Variants in CEP44 observed in about 807,000 individuals in gnomAD.
CEP44 encodes centrosomal protein 44.
In CEP44, 45 loss-of-function variants were observed where a neutral mutation model predicts 46.7. The ratio of observed to expected loss-of-function variants is 0.96; its 90% CI spans 0.76 to 1.24. The LOEUF (loss-of-function observed/expected upper bound fraction) is 1.24. Among genes scored for constraint, CEP44 ranks in the 50% most tolerant of loss-of-function variants. The pLI is 0.00. For missense variants in CEP44, 475 were observed against 459.7 expected (o/e 1.03, Z -0.30); for synonymous variants, 142 against 146.0 (o/e 0.97, Z 0.20).
intron 1 of CEP44, among the ~76,000 whole-genome samples, chr4:174,296,066 TTAGTATAGAATTCAAGATTA>T (rs1312913280): frequency 5.9e-5 from 9 of 152,238 alleles, no homozygotes; most frequent in African/African-American, 1.9e-4. Flanking sequence ...ATACCTTGCT[TTAGTATAGAATTCAAGATTA>T]TAAGTAATTC....
At chr4:174,315,840 C>CAAAAA (rs58586936) in intron 9 of CEP44, among the ~76,000 whole-genome samples, 27 of 95,638 alleles carry the variant, frequency 2.8e-4, no homozygotes, top group Non-Finnish European at 4.6e-4. Flanking sequence ...GACTCCGTCT[C>CAAAAA]AAAAAAAAAA....
chr4:174,304,333 C>T lies in CEP44; in HGVS notation c.471C>T (p.Gly157=). The change falls in exon 6 of 12, where the codon GGC becomes GGT. Residue 157 remains glycine, a synonymous_variant. Transcript: ENST00000503780. ...AGAAAATATCTGCAGAGGCTGTTGG[C>T]GTTGATATCAGTGGCAGGTTTATGA... ...GNEKISAEAV[G]VDISGRFMTS... 6.2e-6 allele frequency: 10 copies of T among 1,611,342 alleles called. No homozygotes were observed. The highest frequency in any genetic ancestry group is 2.2e-5 in the East Asian group (1 of 44,684).
In CEP44 at chr4:174,310,803, T is replaced by G. The variant is rs936473592; in HGVS notation, c.906T>G (p.Phe302Leu). Residue 302 changes from phenylalanine to leucine, a missense_variant, in exon 9 of 12, where the codon TTT (phenylalanine) becomes TTG (leucine). Transcript: ENST00000503780. The surrounding 1 kb of genome is among the most constrained non-coding windows in gnomAD (Gnocchi z 4.2). ...LSKKNDEFIE[F>L]NEVSEDYASC... ...TCCAGAATGATGAATTTATAGAGTT[T>G]AATGAAGTTAGTGAAGACTACGCTT... 2.0e-6 allele frequency: 3 copies of G among 1,496,598 alleles called. No individual in the cohort carries two copies. The highest frequency in any genetic ancestry group is 3.7e-5 in the Admixed American group (2 of 53,528). The allele number at this position is 1,496,598 out of a possible 1,614,324, so 92.7% of individuals were successfully genotyped here.
Position 174,310,129 on chromosome 4 carries a change from T to A in CEP44, c.885+73T>A. The A allele has an allele frequency of 1.5e-6, 2 of 1,361,320 alleles. No individual in the cohort carries two copies. Among genetic ancestry groups the A allele is most frequent in the South Asian group, 2.8e-5 (2 of 70,778 alleles). 84.3% of individuals were successfully genotyped at this position (1,361,320 alleles called of 1,614,324 possible). On this transcript the variant is annotated intron_variant, in intron 8 of 11. Coordinates refer to ENST00000503780, the MANE Select transcript of CEP44 (RefSeq NM_001040157.3). This position sits in a 1 kb window ranked among gnomAD's most constrained non-coding sequence, Gnocchi z 4.2. ...TTTTTTTTTGATTGTTATATGTGTA[T>A]TTTTTTGGAAATGCTAAATATGAGA...
At position 174,312,316 on chromosome 4, in the gene CEP44, C is replaced by G. The variant is rs542544879; in HGVS notation, c.961+1458C>G. On this transcript the variant is annotated intron_variant, in intron 9 of 11. Coordinates refer to ENST00000503780, the MANE Select transcript of CEP44 (RefSeq NM_001040157.3). This position sits in a 1 kb window ranked among gnomAD's most constrained non-coding sequence, Gnocchi z 4.5. ...TTTTTGAGATAAGTGTGGTCTTACT[C>G]TGCTGCTCAGGCTGGAGTGCAGTGG... Among the ~76,000 whole-genome samples the G allele has an allele frequency of 9.9e-5, 15 of 150,986 alleles. No homozygotes were observed. The highest frequency in any genetic ancestry group is 3.6e-4 in the African/African-American group (15 of 41,156).
chr4:174,302,564 CA>C (rs900572023), intron 4 of CEP44, among the ~76,000 whole-genome samples: 11 of 151,908 alleles, frequency 7.2e-5, no homozygotes, highest in Admixed American at 1.3e-4. Flanking sequence ...CTATTACTGA[CA>C]TTTTTTTTTT....
intron 1 of CEP44, among the ~76,000 whole-genome samples, chr4:174,292,379 C>T (rs527776476): frequency 3.3e-5 from 5 of 152,060 alleles, no homozygotes; most frequent in African/African-American, 4.8e-5. Flanking sequence ...TTTTGGGCTT[C>T]GTGAGTCTGG....
At chr4:174,321,090 G>C (rs1472473049), downstream of CEP44, among the ~76,000 whole-genome samples, 3 of 152,056 alleles carry the variant, frequency 2.0e-5, no homozygotes, top group Non-Finnish European at 4.4e-5. Flanking sequence ...GTTCCGTCTG[G>C]AATCTTGTTA....
At chr4:174,316,606 A>C in intron 11 of CEP44, 39 bp downstream of exon 11, 1 of 1,532,080 alleles carries the variant, frequency 6.5e-7, no homozygotes, top group Non-Finnish European at 8.9e-7. Flanking sequence ...TCATTTCTCT[A>C]TAGGGAATTG....
At position 174,331,474 on chromosome 4, in the gene CEP44, C is replaced by CT; in HGVS notation, c.1087-5dup. On this transcript the variant is annotated splice_region_variant and splice_polypyrimidine_tract_variant and intron_variant, in intron 8 of 8. Transcript: ENST00000426172. The surrounding 1 kb of genome is among the most constrained non-coding windows in gnomAD (Gnocchi z 4.5). ...ATTTTAATGTATAATTTTGTGTTTC[C>CT]TTTCTAGAATTTTCCTGCATGGAGT... 6.4e-7 allele frequency: 1 copy of CT among 1,550,920 alleles called. No homozygotes were observed. Among genetic ancestry groups the CT allele is most frequent in the Non-Finnish European group, 8.7e-7 (1 of 1,146,594 alleles).
At chr4:174,303,571 CT>C (rs937199396) in intron 4 of CEP44, 131 bp from the exon 5 acceptor site, 67 of 518,696 alleles carry the variant, frequency 1.3e-4, no homozygotes, top group Non-Finnish European at 2.3e-4. Flanking sequence ...CTTTAGTACT[CT>C]TTAGTTAATG....
At chr4:174,317,257 G>C (rs532411041) in intron 11 of CEP44, 78 bp from the exon 12 acceptor site, 1 of 568,246 alleles carries the variant, frequency 1.8e-6, no homozygotes, top group Non-Finnish European at 2.8e-6. Context: ...AGGCTAAAAA[G>C]CATAATTTCA....
chr4:174,309,842 CT>C lies in CEP44; in HGVS notation c.679-3del, dbSNP rs780764568. 2.6e-6 allele frequency: 4 copies of C among 1,566,804 alleles called. No individual in the cohort carries two copies. The highest frequency in any genetic ancestry group is 2.3e-5 in the East Asian group (1 of 44,346). ...TAATTTTATTTTTAATCTCTCTAAC[CT>C]TTTTAGGATGTAAATGTTAATCCTG... On this transcript the variant is annotated splice_polypyrimidine_tract_variant and splice_region_variant and intron_variant, in intron 7 of 11. Coordinates refer to ENST00000503780, the MANE Select transcript of CEP44 (RefSeq NM_001040157.3). The surrounding 1 kb of genome is among the most constrained non-coding windows in gnomAD (Gnocchi z 5.3).
intron 2 of CEP44, 72 bp from the exon 3 acceptor site, chr4:174,299,000 T>C (rs1739398482): frequency 5.0e-6 from 4 of 802,276 alleles, no homozygotes; most frequent in South Asian, 1.9e-5. Context: ...ATAGGAGATA[T>C]GACCAAAATA....
At position 174,311,196 on chromosome 4, in the gene CEP44, CATATGTAAATAATA is replaced by C. The variant is rs1248132859; in HGVS notation, c.961+347_961+360del. Among the ~76,000 whole-genome samples, 1 of 151,940 alleles carries C rather than the reference CATATGTAAATAATA, an allele frequency of 6.6e-6. No homozygotes were observed. Among genetic ancestry groups the C allele is most frequent in the Non-Finnish European group, 1.5e-5 (1 of 67,880 alleles). Reference sequence around the variant, plus strand: ...AAGCTTAGGTAGGTAGTAGCTTTCTCATATGTAAATAATAATATGTAAGAGAAGAAAACACATTT... The same window carrying C: ...AAGCTTAGGTAGGTAGTAGCTTTCTCATATGTAAGAGAAGAAAACACATTT... On this transcript the variant is annotated intron_variant, in intron 9 of 11. Transcript: ENST00000503780. This position sits in a 1 kb window ranked among gnomAD's most constrained non-coding sequence, Gnocchi z 4.4.
intron 8 of CEP44, among the ~76,000 whole-genome samples, chr4:174,328,757 G>A (rs1731149378): frequency 6.6e-6 from 1 of 151,998 alleles, no homozygotes; most frequent in Non-Finnish European, 1.5e-5. Flanking sequence ...AAAAGATATT[G>A]TTAATTTACA....
intron 4 of CEP44, among the ~76,000 whole-genome samples, chr4:174,302,783 A>ATTT (rs1277308350): frequency 1.5e-5 from 2 of 133,648 alleles, no homozygotes. Context: ...AATGTAGTCT[A>ATTT]TTTTTTTTTT....
chr4:174,305,140 T>C (rs1740234868), intron 6 of CEP44, among the ~76,000 whole-genome samples: 1 of 152,212 alleles, frequency 6.6e-6, no homozygotes, highest in Non-Finnish European at 1.5e-5. Flanking sequence ...ATGAGTTATG[T>C]AAACAGAATC....
chr4:174,320,704 ATG>A (rs796604982), downstream of CEP44, among the ~76,000 whole-genome samples: 1 of 125,200 alleles, frequency 8.0e-6, no homozygotes, highest in Non-Finnish European at 1.8e-5. Flanking sequence ...GTGTGTGTGT[ATG>A]TGTGTGTGTG....
Sources: gnomAD v4.1 joint callset for allele counts (sites outside exome capture counted in the v4.1 genomes callset) on GRCh38, gnomAD v4.1.1 for gene constraint, Gnocchi (gnomAD v3.1) non-coding constraint, MANE v1.5 for transcripts, NCBI Gene and HGNC (gene_info 2026-07-23, HGNC 2026-07-21) for gene names.